TRPM3: variants seen among roughly 807,000 people sequenced by gnomAD.
TRPM3 encodes long transient receptor potential channel 3.
TRPM3 carries 77 observed loss-of-function variants against 181.2 expected under a neutral mutation model. The observed-to-expected ratio is 0.42, with a 90% confidence interval of 0.35 to 0.51. TRPM3 has a LOEUF of 0.51. Ranked by LOEUF, TRPM3 falls within the 20% of genes least tolerant of loss-of-function variation. The pLI, the probability that TRPM3 is intolerant of heterozygous loss-of-function variation, is 0.01. For missense variants in TRPM3, 1,759 were observed against 2,196.7 expected (o/e 0.80, Z 3.98); for synonymous variants, 745 against 796.4 (o/e 0.94, Z 1.09).
intron 1 of TRPM3, among the ~76,000 whole-genome samples, chr9:71,139,936 T>C (rs990694420): frequency 6.6e-6 from 1 of 152,052 alleles, no homozygotes; most frequent in African/African-American, 2.4e-5. Context: ...TCCTGAAAAA[T>C]GAAAAAAGCA....
chr9:70,665,582 G>A (rs1476152853), intron 9 of TRPM3, among the ~76,000 whole-genome samples: 3 of 152,144 alleles, frequency 2.0e-5, no homozygotes, highest in Non-Finnish European at 2.9e-5. Context: ...TCCCATGAAC[G>A]TGTTAACAGA....
intron 1 of TRPM3, among the ~76,000 whole-genome samples, chr9:70,925,264 A>T (rs1031178096): frequency 6.6e-6 from 1 of 152,166 alleles, no homozygotes; most frequent in African/African-American, 2.4e-5. Context: ...AAATTGCTCA[A>T]ACATAAAACC....
At chr9:70,700,268 C>A (rs2072037165) in intron 8 of TRPM3, among the ~76,000 whole-genome samples, 1 of 152,172 alleles carries the variant, frequency 6.6e-6, no homozygotes, top group Non-Finnish European at 1.5e-5. Context: ...TAGGCGTGAG[C>A]CACCACATCT....
intron 1 of TRPM3, among the ~76,000 whole-genome samples, chr9:70,905,089 A>G (rs1266968128): frequency 6.6e-6 from 1 of 152,210 alleles, no homozygotes; most frequent in Admixed American, 6.5e-5. Context: ...ACTCCCATCA[A>G]TCATGGATTA....
intron 1 of TRPM3, among the ~76,000 whole-genome samples, chr9:70,895,753 T>C (rs905646611): frequency 2.0e-5 from 3 of 151,964 alleles, no homozygotes; most frequent in Non-Finnish European, 4.4e-5. Context: ...CCTTAGAAAG[T>C]TATAATCTTT....
chr9:70,694,760 G>A (rs1306995778), intron 8 of TRPM3, among the ~76,000 whole-genome samples: 1 of 152,206 alleles, frequency 6.6e-6, no homozygotes. Context: ...GATTACAGGC[G>A]TAAGCCACCA....
chr9:71,369,834 T>A (rs960739307), intron 1 of TRPM3, among the ~76,000 whole-genome samples: 1 of 152,234 alleles, frequency 6.6e-6, no homozygotes, highest in African/African-American at 2.4e-5. Flanking sequence ...ACAATGCGCT[T>A]CTCACAGATT....
At chr9:70,636,877 G>A (rs762740793) in intron 11 of TRPM3, among the ~76,000 whole-genome samples, 17 of 151,878 alleles carry the variant, frequency 1.1e-4, no homozygotes, top group Non-Finnish European at 2.2e-4. Context: ...TAGTAGAGAC[G>A]GAGTTTCATC....
intron 1 of TRPM3, among the ~76,000 whole-genome samples, chr9:71,309,426 A>T (rs934026983): frequency 1.3e-5 from 2 of 152,204 alleles, no homozygotes; most frequent in African/African-American, 4.8e-5. Flanking sequence ...CAAAATGGAC[A>T]TATCTCAATA....
chr9:71,283,306 T>C (rs377181986), intron 1 of TRPM3, among the ~76,000 whole-genome samples: 13 of 152,302 alleles, frequency 8.5e-5, no homozygotes, highest in Non-Finnish European at 1.0e-4. Context: ...TTTCTTTTTC[T>C]TTCTTTCTTT....
At chr9:71,276,928 T>C (rs879352092) in intron 1 of TRPM3, among the ~76,000 whole-genome samples, 1 of 152,132 alleles carries the variant, frequency 6.6e-6, no homozygotes, top group Admixed American at 6.5e-5. Context: ...AAAAATAAGT[T>C]GTGATATGCC....
At chr9:71,358,472 A>G (rs2092001196) in intron 1 of TRPM3, among the ~76,000 whole-genome samples, 1 of 152,180 alleles carries the variant, frequency 6.6e-6, no homozygotes, top group South Asian at 2.1e-4. Context: ...AGTCTACCCT[A>G]TTGATTGGTT....
chr9:71,064,196 C>T (rs1179231249), intron 1 of TRPM3, among the ~76,000 whole-genome samples: 3 of 152,058 alleles, frequency 2.0e-5, no homozygotes, highest in Admixed American at 1.3e-4. Flanking sequence ...TTTATTCTCT[C>T]TTTTGTATTT....
At chr9:71,253,349 T>C (rs1371260408) in intron 1 of TRPM3, among the ~76,000 whole-genome samples, 1 of 152,160 alleles carries the variant, frequency 6.6e-6, no homozygotes, top group Non-Finnish European at 1.5e-5. Context: ...TTTGCTTTCC[T>C]GGGGGACATT....
chr9:70,831,987 A>ATATT (rs2093957820), intron 5 of TRPM3, among the ~76,000 whole-genome samples: 6 of 127,154 alleles, frequency 4.7e-5, no homozygotes, highest in Non-Finnish European at 8.4e-5. Context: ...ATATATATAT[A>ATATT]TATATATATA....
intron 1 of TRPM3, among the ~76,000 whole-genome samples, chr9:71,130,157 A>T (rs598707): frequency 6.6e-6 from 1 of 152,132 alleles, no homozygotes; most frequent in African/African-American, 2.4e-5. Context: ...TAAATACTCA[A>T]CCAAGTTTAC....
intron 1 of TRPM3, among the ~76,000 whole-genome samples, chr9:71,105,337 A>G (rs1473220829): frequency 6.6e-6 from 1 of 152,176 alleles, no homozygotes; most frequent in African/African-American, 2.4e-5. Flanking sequence ...AGGAAAACAA[A>G]GGTTATTATC....
chr9:70,970,167 C>A (rs1227806606), intron 1 of TRPM3, among the ~76,000 whole-genome samples: 3 of 152,066 alleles, frequency 2.0e-5, no homozygotes, highest in Non-Finnish European at 4.4e-5. Context: ...ATGTTAGAAC[C>A]TCTACTTCAA....
At chr9:71,170,444 A>G (rs2076794226) in intron 1 of TRPM3, among the ~76,000 whole-genome samples, 1 of 152,192 alleles carries the variant, frequency 6.6e-6, no homozygotes, top group South Asian at 2.1e-4. Flanking sequence ...TTTTACCAAG[A>G]GTTTCCATTA....
Sources: gnomAD v4.1 joint callset for allele counts (sites outside exome capture counted in the v4.1 genomes callset) on GRCh38, gnomAD v4.1.1 for gene constraint, MANE v1.5 for transcripts, NCBI Gene and HGNC (gene_info 2026-07-23, HGNC 2026-07-21) for gene names.